Variants in SUFU observed in about 807,000 individuals in gnomAD.
SUFU encodes the protein suppressor of fused homolog.
In SUFU, 7 loss-of-function variants were observed where a neutral mutation model predicts 58.9. That is an observed-to-expected ratio of 0.12 (90% CI 0.07 to 0.22). The LOEUF is 0.22. Among genes scored for constraint, SUFU ranks in the 10% least tolerant of loss-of-function variants. The probability of loss-of-function intolerance (pLI) is 1.00; values close to 1 mark genes in which losing one functional copy is unlikely to be tolerated. For synonymous variants in SUFU, 232 were observed against 254.8 expected (o/e 0.91, Z 0.85); for missense variants, 451 against 641.3 (o/e 0.70, Z 3.20).
intron 10 of SUFU, among the ~76,000 whole-genome samples, chr10:102,620,241 G>A (rs2063728715): frequency 6.6e-6 from 1 of 152,226 alleles, no homozygotes; most frequent in South Asian, 2.1e-4. Context: ...CACCAGCCCA[G>A]CCCAGGCCTG....
intron 3 of SUFU, among the ~76,000 whole-genome samples, chr10:102,553,600 A>C (rs1213030979): frequency 6.6e-6 from 1 of 151,974 alleles, no homozygotes; most frequent in Non-Finnish European, 1.5e-5. Flanking sequence ...AGTAGCTGGG[A>C]CTACAGGCGC....
chr10:102,556,130 G>A (rs2062973413), intron 3 of SUFU, among the ~76,000 whole-genome samples: 1 of 152,200 alleles, frequency 6.6e-6, no homozygotes, highest in Non-Finnish European at 1.5e-5. Flanking sequence ...GGCAGTGGGA[G>A]GCGAATGAAA....
intron 2 of SUFU, among the ~76,000 whole-genome samples, chr10:102,537,638 A>G (rs184052283): frequency 4.3e-4 from 66 of 152,300 alleles, no homozygotes; most frequent in African/African-American, 1.4e-3. Context: ...TACTTCATAT[A>G]AGTGGAATCA....
At chr10:102,615,885 C>T (rs1590082873) in intron 9 of SUFU, among the ~76,000 whole-genome samples, 1 of 152,148 alleles carries the variant, frequency 6.6e-6, no homozygotes, top group Non-Finnish European at 1.5e-5. Flanking sequence ...AGACCTTCCT[C>T]GTTCGCAAGT....
chr10:102,568,962 A>ATATATATATATATC (rs1409831622), intron 3 of SUFU, among the ~76,000 whole-genome samples: 5 of 80,922 alleles, frequency 6.2e-5, no homozygotes, highest in African/African-American at 1.0e-4. Context: ...ATATATATAT[A>ATATATATATATATC]TCTATAGCAG....
chr10:102,541,914 T>C (rs1425598546), intron 2 of SUFU, among the ~76,000 whole-genome samples: 1 of 134,008 alleles, frequency 7.5e-6, no homozygotes, highest in African/African-American at 2.8e-5. Flanking sequence ...AGAGTTTCGC[T>C]CTTGTTGCCC....
rs754329304 is a variant in SUFU, at chr10:102,629,013, G to A, written c.1366-1053G>A. Among the ~76,000 whole-genome samples the A allele has an allele frequency of 5.3e-5, 8 of 152,112 alleles. No homozygotes were observed. The highest frequency in any genetic ancestry group is 1.7e-4 in the African/African-American group (7 of 41,438). On this transcript the variant is annotated intron_variant, in intron 11 of 11. Transcript: ENST00000369902. This position sits in a 1 kb window ranked among gnomAD's most constrained non-coding sequence, Gnocchi z 4.7. ...TCTACTAATAATACAATAATTAGCCGGGCTTGGTGGTGCATGCCTGTAATC... is the reference window on the plus strand; with the variant it reads ...TCTACTAATAATACAATAATTAGCCAGGCTTGGTGGTGCATGCCTGTAATC...
chr10:102,539,307 C>T (rs1006445522), intron 2 of SUFU, among the ~76,000 whole-genome samples: 5 of 152,248 alleles, frequency 3.3e-5, no homozygotes, highest in South Asian at 2.1e-4. Flanking sequence ...TTTCCTCATG[C>T]GTAGGATCAG....
chr10:102,512,777 T>C (rs1439896974), intron 2 of SUFU, among the ~76,000 whole-genome samples: 1 of 152,164 alleles, frequency 6.6e-6, no homozygotes, highest in Non-Finnish European at 1.5e-5. Context: ...CAAAAGTACT[T>C]CTATAGGCTG....
chr10:102,515,852 C>T (rs1228583860), intron 2 of SUFU, among the ~76,000 whole-genome samples: 5 of 152,174 alleles, frequency 3.3e-5, no homozygotes, highest in Non-Finnish European at 7.3e-5. Context: ...AGCCTGGTCC[C>T]TCTGCCTTTC....
intron 1 of SUFU, 48 bp from the exon 2 acceptor site, chr10:102,509,121 T>G (rs777096674): frequency 1.2e-6 from 2 of 1,612,708 alleles, no homozygotes; most frequent in African/African-American, 1.3e-5. Context: ...CTTGACATTG[T>G]CTGATTTCCA....
intron 3 of SUFU, among the ~76,000 whole-genome samples, chr10:102,556,507 C>G (rs777756046): frequency 3.3e-5 from 5 of 152,072 alleles, no homozygotes; most frequent in Non-Finnish European, 5.9e-5. Flanking sequence ...CTTTGGGAGG[C>G]CGAGGCATGT....
At chr10:102,614,808 G>A (rs762476714) in intron 8 of SUFU, among the ~76,000 whole-genome samples, 67 of 151,884 alleles carry the variant, frequency 4.4e-4, no homozygotes, top group Non-Finnish European at 8.7e-4. Context: ...CCCAGGAGGC[G>A]GAGGTTGCAG....
At chr10:102,600,825 G>A (rs2063508845) in intron 8 of SUFU, among the ~76,000 whole-genome samples, 1 of 152,136 alleles carries the variant, frequency 6.6e-6, no homozygotes, top group Non-Finnish European at 1.5e-5. Context: ...CAAAAGCCTG[G>A]AGAAGCCTCC....
At chr10:102,616,135 A>G (rs898185065) in intron 9 of SUFU, among the ~76,000 whole-genome samples, 1 of 152,160 alleles carries the variant, frequency 6.6e-6, no homozygotes, top group Admixed American at 6.5e-5. Flanking sequence ...CAGCCCAGCA[A>G]ACTCCTTGAG....
In SUFU at chr10:102,519,097, G is replaced by A. The variant is rs531870058; in HGVS notation, c.317+9794G>A. On this transcript the variant is annotated intron_variant, in intron 2 of 11. Transcript: ENST00000369902. ...CGGAGCTTGCAGTGAGTGGAGATGC[G>A]CCACTGCACTCCAGCCTGGGAGACA... Among the ~76,000 whole-genome samples the A allele has an allele frequency of 9.7e-4, 134 of 138,676 alleles. 1 individual carries two copies. The highest frequency in any genetic ancestry group is 3.5e-3 in the African/African-American group (132 of 37,240). 91.0% of individuals were successfully genotyped at this position (138,676 alleles called of 152,430 possible). A position where few individuals can be genotyped will look rare whatever the true frequency, so the allele number is the denominator to read the frequency against.
At chr10:102,600,025 G>C (rs543066472) in intron 8 of SUFU, among the ~76,000 whole-genome samples, 1 of 152,050 alleles carries the variant, frequency 6.6e-6, no homozygotes, top group Non-Finnish European at 1.5e-5. Flanking sequence ...CTCTTCCCTG[G>C]GGCCCAGGGA....
intron 10 of SUFU, among the ~76,000 whole-genome samples, chr10:102,621,372 G>T (rs1162575533): frequency 6.6e-6 from 1 of 152,138 alleles, no homozygotes; most frequent in Non-Finnish European, 1.5e-5. Flanking sequence ...CTGTGATGCC[G>T]CCCTGTGTCC....
rs903143110 is a variant in SUFU at position 102,627,307 on chromosome 10, G to A, written c.1365+64G>A. 3.7e-6 allele frequency: 5 copies of A among 1,361,486 alleles called. No homozygotes were observed. In the African/African-American group the frequency reaches 5.7e-5, roughly 16 times the overall value. The allele number at this position is 1,361,486 out of a possible 1,614,324, so 84.3% of individuals were successfully genotyped here. A position where few individuals can be genotyped will look rare whatever the true frequency, so the allele number is the denominator to read the frequency against. ...TCTGGGACCATGTGTGTGCGTGCGTGTGCACGTCTGTGCATGCATGTGTGC... is the reference window on the plus strand; with the variant it reads ...TCTGGGACCATGTGTGTGCGTGCGTATGCACGTCTGTGCATGCATGTGTGC... On this transcript the variant is annotated intron_variant, in intron 11 of 11. Transcript: ENST00000369902.
Sources: gnomAD v4.1 joint callset for allele counts (sites outside exome capture counted in the v4.1 genomes callset) on GRCh38, gnomAD v4.1.1 for gene constraint, Gnocchi (gnomAD v3.1) non-coding constraint, MANE v1.5 for transcripts, NCBI Gene and HGNC (gene_info 2026-07-23, HGNC 2026-07-21) for gene names.